Variants in TSEN15 observed in about 807,000 individuals in gnomAD.
TSEN15 encodes tRNA splicing endonuclease subunit 15, also known as tRNA-splicing endonuclease subunit Sen15.
TSEN15 carries 10 observed loss-of-function variants against 20.5 expected under a neutral mutation model. That is an observed-to-expected ratio of 0.49 (90% confidence interval 0.30 to 0.83). The LOEUF (loss-of-function observed/expected upper bound fraction) is 0.83, where lower values mean the gene tolerates loss of function less well. TSEN15 is among the 40% of genes least tolerant of loss of function. The probability of loss-of-function intolerance (pLI) is 0.06; values close to 1 mark genes in which losing one functional copy is unlikely to be tolerated. For synonymous variants in TSEN15, 72 were observed against 80.1 expected, an observed-to-expected ratio of 0.90 and a Z score of 0.54; for missense variants, 180 against 218.6, an observed-to-expected ratio of 0.82 and a Z score of 1.11.
At position 184,073,742 on chromosome 1, in the gene TSEN15, C is replaced by A. The variant is rs755867153; in HGVS notation, c.*895C>A. ...ATTGGCAAACTTTTTCTATAAAGGG[C>A]CAGAAAGTAACTATTTTAGGTTTTT... On this transcript the variant is annotated 3_prime_UTR_variant, in exon 5 of 5. Transcript: ENST00000645668. 5.9e-5 allele frequency: 9 copies of A among 152,396 alleles called. No homozygotes were observed. The highest frequency in any genetic ancestry group is 1.0e-4 in the Non-Finnish European group (7 of 68,000). 9.4% of individuals were successfully genotyped at this position (152,396 alleles called of 1,614,324 possible).
At position 184,072,807 on chromosome 1, in the gene TSEN15, C is replaced by G. The variant is rs772323263; in HGVS notation, c.496-20C>G. ...ATTGTTTATCGGAGAAAAGTCCATC[C>G]TGATCTTTTTTTTTTCCAGAATATT... On this transcript the variant is annotated intron_variant, in intron 4 of 4. Transcript: ENST00000645668. The G allele has an allele frequency of 6.3e-7, 1 of 1,596,182 alleles. No homozygotes were observed.
At chr1:184,091,654 C>T (rs1445510043) in intron 3 of TSEN15, among the ~76,000 whole-genome samples, 3 of 152,034 alleles carry the variant, frequency 2.0e-5, no homozygotes, top group Non-Finnish European at 4.4e-5. Flanking sequence ...GACAGGACTT[C>T]CCTACTGTCT....
chr1:184,056,542 A>G (rs539146980), intron 3 of TSEN15, among the ~76,000 whole-genome samples: 28 of 152,228 alleles, frequency 1.8e-4, no homozygotes, highest in Admixed American at 2.6e-4. Flanking sequence ...TAATTTGAAT[A>G]TAATCATATT....
Position 184,051,784 on chromosome 1 carries a change from C to A in TSEN15, c.29C>A (p.Thr10Asn), listed in dbSNP as rs61739880. The change falls in exon 1 of 5, where the codon ACC (threonine) becomes AAC (asparagine). Residue 10 changes from threonine to asparagine, a missense_variant. By Grantham distance (65) the Thr-to-Asn change is moderately conservative. Coordinates refer to ENST00000645668, the MANE Select transcript of TSEN15 (RefSeq NM_052965.4). ...GAGGAGCGCGGCGATTCCGAGCCGA[C>A]CCCCGGCTGCAGCGGCCTGGGTCCG... MEERGDSEP[T>N]PGCSGLGPGG... 2 of 1,516,196 alleles carry A rather than the reference C, an allele frequency of 1.3e-6. No individual in the cohort carries two copies. The highest frequency in any genetic ancestry group is 8.8e-7 in the Non-Finnish European group (1 of 1,132,628). 93.9% of individuals were successfully genotyped at this position (1,516,196 alleles called of 1,614,324 possible).
In TSEN15 at chr1:184,073,561, C is replaced by T. The variant is rs574315186; in HGVS notation, c.*714C>T. 7.9e-5 allele frequency: 12 copies of T among 152,628 alleles called. No homozygotes were observed. The highest frequency in any genetic ancestry group is 1.9e-4 in the East Asian group (1 of 5,184). 9.5% of individuals were successfully genotyped at this position (152,628 alleles called of 1,614,324 possible). A position where few individuals can be genotyped will look rare whatever the true frequency, so the allele number is the denominator to read the frequency against. On this transcript the variant is annotated 3_prime_UTR_variant, in exon 5 of 5. Transcript: ENST00000645668. ...TACAACAGTGTGGGAGAGAATCAACCGTAAAAATGTCTTCATTAATTAGAC... is the reference window on the plus strand; with the variant it reads ...TACAACAGTGTGGGAGAGAATCAACTGTAAAAATGTCTTCATTAATTAGAC...
chr1:184,088,060 C>T (rs1196687276), intron 3 of TSEN15, among the ~76,000 whole-genome samples: 1 of 152,080 alleles, frequency 6.6e-6, no homozygotes, highest in Admixed American at 6.6e-5. Flanking sequence ...TGGAAAGTTC[C>T]AGTTTTCTCT....
At chr1:184,095,974 A>G (rs1651442462) in exon 4 of TSEN15, 2 of 376,274 alleles carry the variant, frequency 5.3e-6, no homozygotes, top group Non-Finnish European at 9.4e-6. Context: ...TGATAATGGC[A>G]CTATCAATAA....
intron 3 of TSEN15, chr1:184,094,656 C>CT: frequency 5.2e-6 from 1 of 190,656 alleles, no homozygotes; most frequent in East Asian, 1.3e-4. Context: ...CAGGAACAGT[C>CT]TATTTTGTGA....
intron 4 of TSEN15, 39 bp from the exon 5 acceptor site, chr1:184,072,788 T>C (rs1359783269): frequency 2.5e-6 from 4 of 1,580,944 alleles, no homozygotes; most frequent in Non-Finnish European, 1.7e-6. Flanking sequence ...TTACATTGTT[T>C]ATCGGAGAAA....
At chr1:184,087,167 T>C (rs1172244765) in intron 3 of TSEN15, among the ~76,000 whole-genome samples, 1 of 152,228 alleles carries the variant, frequency 6.6e-6, no homozygotes, top group East Asian at 1.9e-4. Flanking sequence ...TAAAATTTTC[T>C]AGTAGCCACA....
At chr1:184,068,087 T>A (rs1332644984) in intron 3 of TSEN15, among the ~76,000 whole-genome samples, 1 of 151,178 alleles carries the variant, frequency 6.6e-6, no homozygotes, top group African/African-American at 2.4e-5. Flanking sequence ...TTAGTTGAAT[T>A]TTTTTTCATT....
intron 3 of TSEN15, among the ~76,000 whole-genome samples, chr1:184,087,314 A>G (rs995504318): frequency 6.6e-6 from 1 of 152,192 alleles, no homozygotes; most frequent in East Asian, 1.9e-4. Flanking sequence ...TCTTTTTACT[A>G]TCTCTTTGAA....
chr1:184,071,360 G>T (rs1254255187), intron 3 of TSEN15: 1 of 151,968 alleles, frequency 6.6e-6, no homozygotes, highest in Non-Finnish European at 1.5e-5. Context: ...TATTAAATAT[G>T]TGAATGTAAA....
At position 184,051,924 on chromosome 1, in the gene TSEN15, A is replaced by T. The variant is rs1650065218; in HGVS notation, c.135+34A>T. ...GCGCGAGAGGAGCAGGGCGCCGTCC[A>T]GGCCCCTAACCCAGGCAGAACACTC... On this transcript the variant is annotated intron_variant, in intron 1 of 4. Coordinates refer to ENST00000645668, the MANE Select transcript of TSEN15 (RefSeq NM_052965.4). The T allele has an allele frequency of 3.3e-6, 5 of 1,497,224 alleles. No individual in the cohort carries two copies. In the East Asian group the frequency reaches 1.3e-4, roughly 40 times the overall value. 92.7% of individuals were successfully genotyped at this position (1,497,224 alleles called of 1,614,324 possible).
intron 3 of TSEN15, among the ~76,000 whole-genome samples, chr1:184,066,345 C>T (rs1207079160): frequency 4.6e-5 from 7 of 151,812 alleles, no homozygotes; most frequent in African/African-American, 1.7e-4. Context: ...TTCATCTATT[C>T]CTTAACCAAT....
At chr1:184,070,721 C>T in intron 3 of TSEN15, 1 of 1,240,360 alleles carries the variant, frequency 8.1e-7, no homozygotes, top group South Asian at 1.4e-5. Context: ...TGTGACTTCC[C>T]ATCAGTGCTG....
rs1383341877 is a variant in TSEN15, at chr1:184,073,300, T to A, written c.*453T>A. 1 of 154,810 alleles carries A rather than the reference T, an allele frequency of 6.5e-6. No homozygotes were observed. Among genetic ancestry groups the A allele is most frequent in the Non-Finnish European group, 1.4e-5 (1 of 69,962 alleles). The allele number at this position is 154,810 out of a possible 1,614,324, so 9.6% of individuals were successfully genotyped here. On this transcript the variant is annotated 3_prime_UTR_variant, in exon 5 of 5. Coordinates refer to ENST00000645668, the MANE Select transcript of TSEN15 (RefSeq NM_052965.4). Reference sequence around the variant, plus strand: ...TTTTATATGTACCTTGTCACCCACTTCTGTTTACTTTTTCCTCTCCAGTAA... The same window carrying A: ...TTTTATATGTACCTTGTCACCCACTACTGTTTACTTTTTCCTCTCCAGTAA...
At chr1:184,076,420 A>T (rs540327145), downstream of TSEN15, among the ~76,000 whole-genome samples, 1 of 152,198 alleles carries the variant, frequency 6.6e-6, no homozygotes, top group South Asian at 2.1e-4. Context: ...ACCAACCAGG[A>T]TTTCTGCCAT....
At chr1:184,080,893 C>T (rs1425327078) in intron 3 of TSEN15, among the ~76,000 whole-genome samples, 2 of 152,186 alleles carry the variant, frequency 1.3e-5, no homozygotes, top group Non-Finnish European at 2.9e-5. Context: ...GGAATCCTAA[C>T]ATAATTCTGT....
Sources: allele counts gnomAD v4.1 joint callset (sites outside exome capture counted in the v4.1 genomes callset), GRCh38; gene constraint gnomAD v4.1.1; transcripts MANE v1.5; gene names NCBI Gene and HGNC (gene_info 2026-07-23, HGNC 2026-07-21).